NUBPL: variants seen among roughly 807,000 people sequenced by gnomAD.
NUBPL encodes NUBP iron-sulfur cluster assembly factor, mitochondrial, also known as iron-sulfur cluster transfer protein NUBPL.
Under a neutral mutation model 45.7 loss-of-function variants are expected in NUBPL, and 31 were observed. The ratio of observed to expected loss-of-function variants is 0.68; its 90% confidence interval spans 0.51 to 0.92. The LOEUF (loss-of-function observed/expected upper bound fraction) is 0.92, where lower values mean the gene tolerates loss of function less well. NUBPL is among the 40% of genes least tolerant of loss of function. The pLI is 0.00. For missense variants in NUBPL, 401 were observed against 398.7 expected (o/e 1.01, Z -0.05); for synonymous variants, 144 against 140.9 (o/e 1.02, Z -0.15).
chr14:31,813,999 G>T (rs2039866850), intron 7 of NUBPL, among the ~76,000 whole-genome samples: 1 of 152,212 alleles, frequency 6.6e-6, no homozygotes, highest in Admixed American at 6.5e-5. Flanking sequence ...AAGCATACGT[G>T]TGCATGTGTC....
intron 4 of NUBPL, among the ~76,000 whole-genome samples, chr14:31,635,306 A>G (rs1240909834): frequency 1.3e-5 from 2 of 152,320 alleles, no homozygotes; most frequent in East Asian, 1.9e-4. Context: ...CTTTGTACAT[A>G]TGGCTAGCCA....
intron 7 of NUBPL, among the ~76,000 whole-genome samples, chr14:31,808,527 A>G (rs1211063469): frequency 6.6e-6 from 1 of 152,160 alleles, no homozygotes; most frequent in Non-Finnish European, 1.5e-5. Flanking sequence ...GGCTGAGACG[A>G]TGGGGTTTTC....
At chr14:31,602,919 G>A (rs1336193192) in intron 4 of NUBPL, among the ~76,000 whole-genome samples, 2 of 152,100 alleles carry the variant, frequency 1.3e-5, no homozygotes, top group South Asian at 2.1e-4. Context: ...CTAGAAAGAA[G>A]TAATTTTTAA....
At chr14:31,763,127 T>C (rs1381285839) in intron 6 of NUBPL, among the ~76,000 whole-genome samples, 1 of 152,194 alleles carries the variant, frequency 6.6e-6, no homozygotes, top group African/African-American at 2.4e-5. Context: ...ACAGTGGGGA[T>C]GAAGGTTACT....
intron 6 of NUBPL, among the ~76,000 whole-genome samples, chr14:31,699,271 G>A (rs371627159): frequency 1.3e-5 from 2 of 152,162 alleles, no homozygotes; most frequent in African/African-American, 2.4e-5. Context: ...TCTAAATGTG[G>A]TGTATTAATT....
intron 7 of NUBPL, among the ~76,000 whole-genome samples, chr14:31,825,644 C>CCTT (rs146914249): frequency 6.8e-5 from 10 of 147,000 alleles, no homozygotes; most frequent in African/African-American, 1.5e-4. Context: ...TCCCCTCTTT[C>CCTT]TCCTTTCCTT....
At chr14:31,680,544 T>A (rs572488834) in intron 6 of NUBPL, among the ~76,000 whole-genome samples, 1 of 152,264 alleles carries the variant, frequency 6.6e-6, no homozygotes, top group African/African-American at 2.4e-5. Context: ...GATTTTCTGA[T>A]GTTAATGTTT....
At chr14:31,742,291 C>T (rs2140001315) in intron 6 of NUBPL, among the ~76,000 whole-genome samples, 1 of 147,778 alleles carries the variant, frequency 6.8e-6, no homozygotes, top group South Asian at 2.2e-4. Context: ...TCTTCCTTTC[C>T]CAGGTTCATG....
At chr14:31,574,931 C>G (rs1037624750) in intron 3 of NUBPL, among the ~76,000 whole-genome samples, 1 of 152,048 alleles carries the variant, frequency 6.6e-6, no homozygotes, top group African/African-American at 2.4e-5. Flanking sequence ...CTGATTTTTC[C>G]ATTGCTACAA....
intron 4 of NUBPL, among the ~76,000 whole-genome samples, chr14:31,624,184 T>C (rs2035144292): frequency 6.6e-6 from 1 of 152,180 alleles, no homozygotes; most frequent in East Asian, 1.9e-4. Context: ...AATGGATGAA[T>C]AGACCTTGGT....
At chr14:31,837,420 A>G (rs142741699) in intron 8 of NUBPL, among the ~76,000 whole-genome samples, 41 of 152,330 alleles carry the variant, frequency 2.7e-4, no homozygotes, top group African/African-American at 8.9e-4. Context: ...TAGGAGAACT[A>G]CCAAAATAGC....
chr14:31,654,971 T>C lies in NUBPL; in HGVS notation c.383-18384T>C, dbSNP rs116328587. On this transcript the variant is annotated intron_variant, in intron 4 of 10. Transcript: ENST00000281081. ...TAGATTCCATCTCAAGAAAGTACTT[T>C]CTTTGCTTATCATAAAAAGCAACTC... is the stretch of plus-strand genomic sequence containing the variant. Among the ~76,000 whole-genome samples the C allele has an allele frequency of 6.1e-3, 936 of 152,308 alleles. 10 individuals are homozygous for C. Among genetic ancestry groups the C allele is most frequent in the African/African-American group, 0.021 (877 of 41,562 alleles).
intron 6 of NUBPL, among the ~76,000 whole-genome samples, chr14:31,759,366 C>T (rs552000240): frequency 1.6e-3 from 237 of 151,506 alleles, no homozygotes; most frequent in Middle Eastern, 0.01. Flanking sequence ...ACATATATGC[C>T]GCATATAGTC....
chr14:31,748,339 T>G (rs1035923414), intron 6 of NUBPL, among the ~76,000 whole-genome samples: 1 of 152,180 alleles, frequency 6.6e-6, no homozygotes, highest in African/African-American at 2.4e-5. Flanking sequence ...ACAGTTTAAG[T>G]CTGATGTTTC....
At chr14:31,791,106 A>ATT (rs2039373982) in intron 7 of NUBPL, among the ~76,000 whole-genome samples, 1 of 151,946 alleles carries the variant, frequency 6.6e-6, no homozygotes, top group Non-Finnish European at 1.5e-5. Flanking sequence ...CTATCTGTAC[A>ATT]AAAGAATATT....
chr14:31,649,571 T>C (rs1293083737), intron 4 of NUBPL, among the ~76,000 whole-genome samples: 2 of 152,242 alleles, frequency 1.3e-5, no homozygotes, highest in Non-Finnish European at 2.9e-5. Context: ...TTTTAACTTT[T>C]AAGGTTTGCA....
At chr14:31,568,686 TA>T (rs1228136259) in intron 3 of NUBPL, among the ~76,000 whole-genome samples, 1 of 152,244 alleles carries the variant, frequency 6.6e-6, no homozygotes, top group Non-Finnish European at 1.5e-5. Context: ...TAGAATGCTA[TA>T]AATAGAATGA....
intron 3 of NUBPL, among the ~76,000 whole-genome samples, chr14:31,596,925 G>C (rs984632443): frequency 2.6e-5 from 4 of 152,188 alleles, no homozygotes; most frequent in African/African-American, 9.6e-5. Flanking sequence ...GATGCAATCA[G>C]GGAAAGTGTT....
chr14:31,658,892 T>A (rs1271850010), intron 4 of NUBPL, among the ~76,000 whole-genome samples: 1 of 152,196 alleles, frequency 6.6e-6, no homozygotes, highest in African/African-American at 2.4e-5. Flanking sequence ...GAGCACTTAC[T>A]TTACTAATCA....
Sources: gnomAD v4.1 joint callset for allele counts (sites outside exome capture counted in the v4.1 genomes callset) on GRCh38, gnomAD v4.1.1 for gene constraint, MANE v1.5 for transcripts, NCBI Gene and HGNC (gene_info 2026-07-23, HGNC 2026-07-21) for gene names.